Variants in FAM174B observed in about 807,000 individuals in gnomAD.
The protein encoded by FAM174B is family with sequence similarity 174 member B.
FAM174B carries 12 observed loss-of-function variants against 10.9 expected under a neutral mutation model. The ratio of observed to expected loss-of-function variants is 1.10; its 90% CI spans 0.71 to 1.79. The LOEUF (loss-of-function observed/expected upper bound fraction) is 1.79, where lower values mean the gene tolerates loss of function less well. Among genes scored for constraint, FAM174B ranks in the 40% most tolerant of loss-of-function variants. FAM174B has a pLI of 0.00. For synonymous variants in FAM174B, 132 were observed against 115.8 expected (o/e 1.14, Z -0.90); for missense variants, 266 against 233.3 (o/e 1.14, Z -0.91).
intron 1 of FAM174B, among the ~76,000 whole-genome samples, chr15:92,649,737 C>T (rs1021880103): frequency 1.3e-5 from 2 of 152,216 alleles, no homozygotes; most frequent in African/African-American, 2.4e-5. Context: ...GGCTCCCCAT[C>T]CTGACAATCC....
chr15:92,652,499 GA>G (rs1220484348), intron 1 of FAM174B, among the ~76,000 whole-genome samples: 1 of 152,168 alleles, frequency 6.6e-6, no homozygotes, highest in Non-Finnish European at 1.5e-5. Context: ...GCAGCACCCT[GA>G]TCTGAAGAGT....
intron 2 of FAM174B, among the ~76,000 whole-genome samples, chr15:92,623,646 G>A (rs952311580): frequency 6.6e-5 from 10 of 152,204 alleles, no homozygotes; most frequent in Admixed American, 5.2e-4. Context: ...TGTCAGTAGC[G>A]TCTGGCACCC....
At chr15:92,649,339 T>C (rs915842385) in intron 1 of FAM174B, among the ~76,000 whole-genome samples, 1 of 152,136 alleles carries the variant, frequency 6.6e-6, no homozygotes, top group Non-Finnish European at 1.5e-5. Context: ...GGGAATTGAG[T>C]AGTCAAGGAG....
intron 2 of FAM174B, among the ~76,000 whole-genome samples, chr15:92,629,176 C>G (rs1000861626): frequency 6.6e-6 from 1 of 152,190 alleles, no homozygotes. Flanking sequence ...AGATAGGGAC[C>G]AGCCTGCATT....
At chr15:92,623,958 TTTTC>T (rs930438930) in intron 2 of FAM174B, among the ~76,000 whole-genome samples, 4 of 152,186 alleles carry the variant, frequency 2.6e-5, no homozygotes, top group Admixed American at 6.5e-5. Flanking sequence ...CCTCTTTTCT[TTTTC>T]TTTCTTTCTC....
At chr15:92,650,201 G>A (rs185581067) in intron 1 of FAM174B, among the ~76,000 whole-genome samples, 88 of 152,098 alleles carry the variant, frequency 5.8e-4, no homozygotes, top group African/African-American at 1.9e-3. Context: ...ACACACAATA[G>A]AGAATTTAGG....
In FAM174B at chr15:92,619,345, G is replaced by A. The variant is rs142562130; in HGVS notation, c.*111C>T. The stretch of plus-strand genomic sequence containing the variant: ...AGCTGGGGTTTTATACATAACGTTC[G>A]TTTTGGTTTCAACACCTCCGACGCA... On this transcript the variant is annotated 3_prime_UTR_variant, in exon 3 of 3. Transcript: ENST00000327355. The A allele has an allele frequency of 1.9e-4, 237 of 1,270,492 alleles. No individual in the cohort carries two copies. In the African/African-American group the frequency reaches 2.8e-3, roughly 15 times the overall value. 78.7% of individuals were successfully genotyped at this position (1,270,492 alleles called of 1,614,324 possible).
chr15:92,624,533 C>T (rs2050740709), intron 2 of FAM174B, among the ~76,000 whole-genome samples: 1 of 152,222 alleles, frequency 6.6e-6, no homozygotes, highest in African/African-American at 2.4e-5. Context: ...TTTTCCCATA[C>T]TCCCTGCCTA....
At chr15:92,640,402 A>C (rs1482331536) in intron 1 of FAM174B, among the ~76,000 whole-genome samples, 3 of 151,842 alleles carry the variant, frequency 2.0e-5, no homozygotes, top group Admixed American at 1.3e-4. Context: ...AAATACAAAA[A>C]TTAGCCGGGC....
chr15:92,628,029 C>T (rs1057343010), intron 2 of FAM174B, among the ~76,000 whole-genome samples: 10 of 152,268 alleles, frequency 6.6e-5, no homozygotes, highest in East Asian at 1.9e-4. Context: ...GTAGTATTTG[C>T]GTGTATCCTA....
Position 92,619,035 on chromosome 15 carries a change from C to T in FAM174B, c.*421G>A, listed in dbSNP as rs951812484. 2.2e-5 allele frequency: 13 copies of T among 591,972 alleles called. No individual in the cohort carries two copies. The highest frequency in any genetic ancestry group is 5.5e-5 in the East Asian group (2 of 36,218). The allele number at this position is 591,972 out of a possible 1,614,324, so 36.7% of individuals were successfully genotyped here. A position where few individuals can be genotyped will look rare whatever the true frequency, so the allele number is the denominator to read the frequency against. ...GTGTAGATCCAGTAGAGAAGAATGTCGGAAATTCTAAATACACAGTTGGAC... is the reference window on the plus strand; with the variant it reads ...GTGTAGATCCAGTAGAGAAGAATGTTGGAAATTCTAAATACACAGTTGGAC... On this transcript the variant is annotated 3_prime_UTR_variant, in exon 3 of 3. Transcript: ENST00000327355.
chr15:92,653,480 C>G (rs574118551), intron 1 of FAM174B, among the ~76,000 whole-genome samples: 1 of 152,374 alleles, frequency 6.6e-6, no homozygotes, highest in East Asian at 1.9e-4. Context: ...TTAACCTTCA[C>G]TCCAACTGAA....
intron 1 of FAM174B, among the ~76,000 whole-genome samples, chr15:92,636,069 A>C (rs1362422915): frequency 6.6e-6 from 1 of 152,224 alleles, no homozygotes; most frequent in Non-Finnish European, 1.5e-5. Flanking sequence ...AAATGGGAAA[A>C]TAGAGTGCAT....
intron 1 of FAM174B, among the ~76,000 whole-genome samples, chr15:92,653,837 G>A (rs1031605733): frequency 7.9e-5 from 12 of 152,262 alleles, no homozygotes; most frequent in African/African-American, 2.2e-4. Context: ...GCTCAGAAGC[G>A]CTGGTTGATG....
chr15:92,626,391 C>A (rs955892873), intron 2 of FAM174B, among the ~76,000 whole-genome samples: 2 of 151,864 alleles, frequency 1.3e-5, no homozygotes, highest in Admixed American at 6.6e-5. Flanking sequence ...GCCACCGCAC[C>A]CAGCCAGTTG....
intron 2 of FAM174B, among the ~76,000 whole-genome samples, chr15:92,629,675 G>A (rs1169492559): frequency 1.3e-5 from 2 of 152,200 alleles, no homozygotes; most frequent in Non-Finnish European, 2.9e-5. Flanking sequence ...CTGGGTTTCT[G>A]GGTGCAGTGT....
chr15:92,655,745 AT>A lies in FAM174B; in HGVS notation c.-87del. On this transcript the variant is annotated 5_prime_UTR_variant, in exon 1 of 3. Coordinates refer to ENST00000327355, the MANE Select transcript of FAM174B (RefSeq NM_207446.3). Reference sequence around the variant, plus strand: ...CCAGCACGGAGGCCTGCACCGGGGGATCCTGCGGCGGAGGCGGCTGCGCGGT... The same window carrying A: ...CCAGCACGGAGGCCTGCACCGGGGGACCTGCGGCGGAGGCGGCTGCGCGGT... 1 of 1,127,704 alleles carries A rather than the reference AT, an allele frequency of 8.9e-7. No individual in the cohort carries two copies. The highest frequency in any genetic ancestry group is 1.1e-6 in the Non-Finnish European group (1 of 906,174). The allele number at this position is 1,127,704 out of a possible 1,614,324, so 69.9% of individuals were successfully genotyped here. A position where few individuals can be genotyped will look rare whatever the true frequency, so the allele number is the denominator to read the frequency against.
At chr15:92,626,741 C>T (rs1278106309) in intron 2 of FAM174B, among the ~76,000 whole-genome samples, 3 of 152,088 alleles carry the variant, frequency 2.0e-5, no homozygotes, top group Non-Finnish European at 4.4e-5. Flanking sequence ...GGAGCTAACA[C>T]TATTCCTGTA....
intron 1 of FAM174B, among the ~76,000 whole-genome samples, chr15:92,636,754 T>C (rs2050858684): frequency 6.6e-6 from 1 of 152,140 alleles, no homozygotes. Flanking sequence ...CAGGTCGCCT[T>C]GAGTCATCCC....
Sources: gnomAD v4.1 joint callset for allele counts (sites outside exome capture counted in the v4.1 genomes callset) on GRCh38, gnomAD v4.1.1 for gene constraint, MANE v1.5 for transcripts, NCBI Gene and HGNC (gene_info 2026-07-23, HGNC 2026-07-21) for gene names.